The following MFSD2B variants were observed in gnomAD, a reference collection of about 807,000 sequenced individuals.
MFSD2B encodes the protein sphingosine-1-phosphate transporter MFSD2B.
MFSD2B carries 56 observed loss-of-function variants against 58.4 expected under a neutral mutation model. The observed-to-expected ratio is 0.96, with a 90% CI of 0.77 to 1.20. The LOEUF is 1.20. Ranked by LOEUF, MFSD2B falls within the 50% of genes most tolerant of loss-of-function variation. The pLI is 0.00. For missense variants in MFSD2B, 645 were observed against 667.6 expected, an observed-to-expected ratio of 0.97 and a Z score of 0.37; for synonymous variants, 287 against 294.4, an observed-to-expected ratio of 0.97 and a Z score of 0.26.
chr2:24,016,145 G>T lies in MFSD2B; in HGVS notation c.223-11G>T. On this transcript the variant is annotated splice_polypyrimidine_tract_variant and intron_variant, in intron 2 of 13. Coordinates refer to ENST00000338315, the MANE Select transcript of MFSD2B (RefSeq NM_001346880.2). ...GCCTCAGCTCTCTATCCCCTCCCCT[G>T]TCTGTTTCAGATCCCTGCCGCCCAG... 1 of 1,612,998 alleles carries T rather than the reference G, an allele frequency of 6.2e-7. No individual in the cohort carries two copies. The highest frequency in any genetic ancestry group is 8.5e-7 in the Non-Finnish European group (1 of 1,179,792).
intron 1 of MFSD2B, 115 bp from the exon 2 acceptor site, chr2:24,013,170 G>T: frequency 9.1e-7 from 1 of 1,092,964 alleles, no homozygotes; most frequent in Non-Finnish European, 1.2e-6. Context: ...CTGAGAGGTT[G>T]CTGGAAAAGC....
rs1444931600 is a variant in MFSD2B, at chr2:24,026,321, T to C, written c.*865T>C. On this transcript the variant is annotated 3_prime_UTR_variant, in exon 14 of 14. Coordinates refer to ENST00000338315, the MANE Select transcript of MFSD2B (RefSeq NM_001346880.2). ...ACATTTGGTCTCTGCCCCAGGTTCCTGGCACAGAGCTTCTAAAATGCTAGT... is the reference window on the plus strand; with the variant it reads ...ACATTTGGTCTCTGCCCCAGGTTCCCGGCACAGAGCTTCTAAAATGCTAGT... 1.3e-5 allele frequency: 2 copies of C among 152,236 alleles called. No individual in the cohort carries two copies. The highest frequency in any genetic ancestry group is 4.8e-5 in the African/African-American group (2 of 41,460). The allele number at this position is 152,236 out of a possible 1,614,324, so 9.4% of individuals were successfully genotyped here.
chr2:24,020,565 T>C lies in MFSD2B; in HGVS notation c.682-1083T>C, dbSNP rs1662736724. 6.6e-6 allele frequency among the ~76,000 whole-genome samples: 1 copy of C among 152,126 alleles called. No individual in the cohort carries two copies. Among genetic ancestry groups the C allele is most frequent in the Admixed American group, 6.6e-5 (1 of 15,260 alleles). On this transcript the variant is annotated intron_variant, in intron 6 of 13. Transcript: ENST00000338315. This position sits in a 1 kb window ranked among gnomAD's most constrained non-coding sequence, Gnocchi z 4.1. ...GAATGACAAGTAGCACTGTCCTGCT[T>C]CCTATATATACAGAGGCAGGGTCTT...
chr2:24,018,126 G>T (rs10865254), intron 6 of MFSD2B: 106,446 of 154,672 alleles, frequency 0.69, 37,926 homozygotes, highest in East Asian at 0.88. Context: ...CTTTTTCCAT[G>T]TCCCCCTTTC....
rs1177599143 is a variant in MFSD2B, at chr2:24,023,706, C to T, written c.1293C>T (p.Gly431=). The T allele has an allele frequency of 6.2e-7, 1 of 1,613,876 alleles. No homozygotes were observed. ...AGCTGTCTGGCGCATGTGCCCTGGG[C>T]ATCTCCACCCTCAGTCTGGAGTGAG... ...FTKLSGACAL[G]ISTLSLEFSG... is the part of the protein sequence containing the mutation. Residue 431 remains glycine, a synonymous_variant, in exon 12 of 14, where the codon GGC becomes GGT. Transcript: ENST00000338315. This position sits in a 1 kb window ranked among gnomAD's most constrained non-coding sequence, Gnocchi z 5.0.
rs1662956139 is a variant in MFSD2B, at chr2:24,025,644, G to T, written c.*188G>T. ...TCCAGGACCCCACTTGGCATTTCTT[G>T]TCTGTTGCCTTCAGACTATCTCAGA... is the stretch of plus-strand genomic sequence containing the variant. On this transcript the variant is annotated 3_prime_UTR_variant, in exon 14 of 14. Coordinates refer to ENST00000338315, the MANE Select transcript of MFSD2B (RefSeq NM_001346880.2). The T allele has an allele frequency of 1.7e-6, 1 of 604,700 alleles. No homozygotes were observed. 37.5% of individuals were successfully genotyped at this position (604,700 alleles called of 1,614,324 possible). A position where few individuals can be genotyped will look rare whatever the true frequency, so the allele number is the denominator to read the frequency against.
intron 2 of MFSD2B, 90 bp from the exon 3 acceptor site, chr2:24,016,066 C>G (rs1273191399): frequency 1.4e-5 from 21 of 1,537,554 alleles, no homozygotes; most frequent in Non-Finnish European, 1.8e-5. Context: ...TCCCGGTTCC[C>G]AGGCCTCCCT....
Position 24,017,989 on chromosome 2 carries a change from G to A in MFSD2B, c.681+401G>A, listed in dbSNP as rs116934235. ...TGCCCCCTCCCCCAGCCCTGACCAG[G>A]TGAGCCCCCAACCCGCAGCATGAAA... On this transcript the variant is annotated intron_variant, in intron 6 of 13. Transcript: ENST00000338315. This position sits in a 1 kb window ranked among gnomAD's most constrained non-coding sequence, Gnocchi z 4.8. Among the ~76,000 whole-genome samples the A allele has an allele frequency of 0.015, 2,294 of 152,206 alleles. 22 individuals are homozygous for A. Among genetic ancestry groups the A allele is most frequent in the South Asian group, 0.043 (206 of 4,820 alleles).
At chr2:24,025,342 C>A in intron 13 of MFSD2B, 90 bp from the exon 14 acceptor site, 2 of 1,168,550 alleles carry the variant, frequency 1.7e-6, no homozygotes, top group Non-Finnish European at 2.5e-6. Context: ...AGACAAGGAG[C>A]AGCCACCAAA....
intron 1 of MFSD2B, 54 bp from the exon 2 acceptor site, chr2:24,013,231 G>A: frequency 1.3e-6 from 2 of 1,525,406 alleles, no homozygotes; most frequent in Non-Finnish European, 1.8e-6. Flanking sequence ...ATGGGGTGTG[G>A]GGACCTGTTT....
Position 24,010,205 on chromosome 2 carries a change from G to T in MFSD2B, c.96+13G>T. On this transcript the variant is annotated intron_variant, in intron 1 of 13. Coordinates refer to ENST00000338315, the MANE Select transcript of MFSD2B (RefSeq NM_001346880.2). ...GCGAGGGCGAGAGGTGAGCGGGGCG[G>T]CGGGGACCGGGAAGGGGCTGCGTCC... The T allele has an allele frequency of 2.9e-6, 4 of 1,378,202 alleles. No homozygotes were observed. The highest frequency in any genetic ancestry group is 3.7e-6 in the Non-Finnish European group (4 of 1,070,938). The allele number at this position is 1,378,202 out of a possible 1,614,324, so 85.4% of individuals were successfully genotyped here.
rs529999687 is a variant in MFSD2B, at chr2:24,017,163, G to C, written c.472-123G>C. On this transcript the variant is annotated intron_variant, in intron 4 of 13. Coordinates refer to ENST00000338315, the MANE Select transcript of MFSD2B (RefSeq NM_001346880.2). This position sits in a 1 kb window ranked among gnomAD's most constrained non-coding sequence, Gnocchi z 4.8. ...TTTGGGACCCTAGCTCCGACTTCAG[G>C]TGGCCAGCTGGGATATGTCACGTTG... is the stretch of plus-strand genomic sequence containing the variant. The C allele has an allele frequency of 2.2e-5, 28 of 1,282,484 alleles. No homozygotes were observed. The East Asian group carries it at 6.8e-4, about 31-fold the overall frequency. The allele number at this position is 1,282,484 out of a possible 1,614,324, so 79.4% of individuals were successfully genotyped here.
rs1215556353 is a variant in MFSD2B, at chr2:24,021,226, T to C, written c.682-422T>C. Among the ~76,000 whole-genome samples the C allele has an allele frequency of 6.6e-6, 1 of 152,194 alleles. No individual in the cohort carries two copies. The highest frequency in any genetic ancestry group is 2.4e-5 in the African/African-American group (1 of 41,458). ...CTTCCTCCATTAATCTGAGTCACCA[T>C]GCATCTCACCGTGCTGTAACCACCT... On this transcript the variant is annotated intron_variant, in intron 6 of 13. Coordinates refer to ENST00000338315, the MANE Select transcript of MFSD2B (RefSeq NM_001346880.2). The surrounding 1 kb of genome is among the most constrained non-coding windows in gnomAD (Gnocchi z 5.7).
chr2:24,023,692 G>C lies in MFSD2B; in HGVS notation c.1279G>C (p.Ala427Pro). ...SYVFFTKLSG[A>P]CALGISTLSL... ...CGTCTTCTTCACCAAGCTGTCTGGC[G>C]CATGTGCCCTGGGCATCTCCACCCT... The change falls in exon 12 of 14, where the codon GCA (alanine) becomes CCA (proline). Residue 427 changes from alanine (A) to proline (P), a missense_variant. Coordinates refer to ENST00000338315, the MANE Select transcript of MFSD2B (RefSeq NM_001346880.2). The surrounding 1 kb of genome is among the most constrained non-coding windows in gnomAD (Gnocchi z 5.0). The C allele has an allele frequency of 6.2e-7, 1 of 1,613,932 alleles. No homozygotes were observed. Among genetic ancestry groups the C allele is most frequent in the South Asian group, 1.1e-5 (1 of 91,084 alleles).
At chr2:24,010,304 C>G (rs945197586) in intron 1 of MFSD2B, 112 bp downstream of exon 1, 1 of 857,644 alleles carries the variant, frequency 1.2e-6, no homozygotes, top group Non-Finnish European at 1.6e-6. Context: ...CGGCCCAAAC[C>G]TGCCAGCTCA....
rs2102451 is a variant in MFSD2B at position 24,022,297 on chromosome 2, G to C, written c.895-136G>C. The C allele has an allele frequency of 2.7e-6, 2 of 747,434 alleles. No homozygotes were observed. The highest frequency in any genetic ancestry group is 1.7e-5 in the African/African-American group (1 of 57,200). The allele number at this position is 747,434 out of a possible 1,614,324, so 46.3% of individuals were successfully genotyped here. On this transcript the variant is annotated intron_variant, in intron 8 of 13. Coordinates refer to ENST00000338315, the MANE Select transcript of MFSD2B (RefSeq NM_001346880.2). The surrounding 1 kb of genome is among the most constrained non-coding windows in gnomAD (Gnocchi z 4.5). The stretch of plus-strand genomic sequence containing the variant: ...TGTGTTGGGGATAAGTGTCCTTTGT[G>C]GGGGAAGGGACTGTATGATGGTAGC...
At position 24,024,080 on chromosome 2, in the gene MFSD2B, C is replaced by T. The variant is rs1438493131; in HGVS notation, c.1314-15C>T. The T allele has an allele frequency of 6.2e-7, 1 of 1,612,400 alleles. No individual in the cohort carries two copies. The highest frequency in any genetic ancestry group is 2.2e-5 in the East Asian group (1 of 44,838). On this transcript the variant is annotated splice_polypyrimidine_tract_variant and intron_variant, in intron 12 of 13. Transcript: ENST00000338315. The surrounding 1 kb of genome is among the most constrained non-coding windows in gnomAD (Gnocchi z 4.3). ...CAGCAGGCCCTGCCCTAATGGCTGG[C>T]TGATGTTTCTCCAGGTTCTCGGGGT... is the stretch of plus-strand genomic sequence containing the variant.
rs1344794075 is a variant in MFSD2B at position 24,021,826 on chromosome 2, G to A, written c.773-23G>A. On this transcript the variant is annotated intron_variant, in intron 7 of 13. Transcript: ENST00000338315. The surrounding 1 kb of genome is among the most constrained non-coding windows in gnomAD (Gnocchi z 5.7). ...TTGCTTTTGAACTCTGCGAAGCCAA[G>A]GTGACACGCTTCTGCGTTGCAGACC... 41 of 1,613,704 alleles carry A rather than the reference G, an allele frequency of 2.5e-5. No individual in the cohort carries two copies. Among genetic ancestry groups the A allele is most frequent in the Non-Finnish European group, 3.5e-5 (41 of 1,179,706 alleles).
rs574859401 is a variant in MFSD2B, at chr2:24,024,249, T to C, written c.1468T>C (p.Ser490Pro). Residue 490 changes from serine to proline, a missense_variant, in exon 13 of 14, where the codon TCC (serine) becomes CCC (proline). Physicochemically the swap from Ser to Pro is moderately conservative, Grantham distance 74. Coordinates refer to ENST00000338315, the MANE Select transcript of MFSD2B (RefSeq NM_001346880.2). This position sits in a 1 kb window ranked among gnomAD's most constrained non-coding sequence, Gnocchi z 4.3. ...STPKTPSRDA[S>P]SRLSLRRRTS... Reference sequence around the variant, plus strand: ...TCCAAAGACACCCAGTCGGGACGCCTCCAGCCGGCTGAGCCTTCGGAGGTA... The same window carrying C: ...TCCAAAGACACCCAGTCGGGACGCCCCCAGCCGGCTGAGCCTTCGGAGGTA... 9 of 1,608,572 alleles carry C rather than the reference T, an allele frequency of 5.6e-6. No individual in the cohort carries two copies. Among genetic ancestry groups the C allele is most frequent in the Non-Finnish European group, 6.8e-6 (8 of 1,177,866 alleles).
Sources: allele counts gnomAD v4.1 joint callset (sites outside exome capture counted in the v4.1 genomes callset), GRCh38; gene constraint gnomAD v4.1.1; non-coding constraint Gnocchi (gnomAD v3.1); transcripts MANE v1.5; gene names NCBI Gene and HGNC (gene_info 2026-07-23, HGNC 2026-07-21).